The following GABRG3 variants were observed in gnomAD, a reference collection of about 807,000 sequenced individuals.
The protein encoded by GABRG3 is gamma-aminobutyric acid receptor subunit gamma-3.
GABRG3 carries 25 observed loss-of-function variants against 48.8 expected under a neutral mutation model. The observed-to-expected ratio is 0.51, with a 90% CI of 0.37 to 0.72. The LOEUF is 0.72. Ranked by LOEUF, GABRG3 falls within the 30% of genes least tolerant of loss-of-function variation. GABRG3 has a pLI of 0.00. For missense variants in GABRG3, 394 were observed against 577.9 expected, an observed-to-expected ratio of 0.68 and a Z score of 3.26; for synonymous variants, 227 against 217.6, an observed-to-expected ratio of 1.04 and a Z score of -0.38.
rs117070532 is a variant in GABRG3, at chr15:27,218,818, C to T, written c.271-107991C>T. ...TGGGTGGTGACCGTGGCCAGGTCAC[C>T]TTCCAGAGGAGTCTGCCTTTCCTCA... is the stretch of plus-strand genomic sequence containing the variant. On this transcript the variant is annotated intron_variant, in intron 3 of 9. Coordinates refer to ENST00000615808, the MANE Select transcript of GABRG3 (RefSeq NM_033223.5). Among the ~76,000 whole-genome samples, 723 of 152,306 alleles carry T rather than the reference C, an allele frequency of 4.7e-3. 6 individuals carry two copies. Among genetic ancestry groups the T allele is most frequent in the Non-Finnish European group, 8.0e-3 (542 of 68,020 alleles).
Position 27,162,936 on chromosome 15 carries a change from G to A in GABRG3, c.270+136115G>A, listed in dbSNP as rs568413625. On this transcript the variant is annotated intron_variant, in intron 3 of 9. Coordinates refer to ENST00000615808, the MANE Select transcript of GABRG3 (RefSeq NM_033223.5). ...TGCAGCTGTTTTTCTAAAATGAAGA[G>A]CTCCACGTGATCACGTGGAGGTTAC... 2.6e-5 allele frequency among the ~76,000 whole-genome samples: 4 copies of A among 152,112 alleles called. No homozygotes were observed. In the South Asian group the frequency reaches 8.3e-4, roughly 32 times the overall value.
At chr15:27,351,639 T>C (rs1384464417) in intron 5 of GABRG3, among the ~76,000 whole-genome samples, 1 of 150,600 alleles carries the variant, frequency 6.6e-6, no homozygotes, top group African/African-American at 2.4e-5. Flanking sequence ...TGTGTTTGTG[T>C]GTATGGTCTG....
intron 3 of GABRG3, among the ~76,000 whole-genome samples, chr15:27,150,471 A>G (rs993184475): frequency 2.0e-5 from 3 of 152,164 alleles, no homozygotes; most frequent in Admixed American, 6.5e-5. Context: ...AGTTAACAAG[A>G]TGTTTCCATG....
intron 3 of GABRG3, among the ~76,000 whole-genome samples, chr15:27,299,290 A>C (rs545241972): frequency 3.9e-5 from 6 of 152,142 alleles, no homozygotes; most frequent in Non-Finnish European, 8.8e-5. Context: ...ATCTCAGAAA[A>C]AACAAAAACA....
intron 6 of GABRG3, among the ~76,000 whole-genome samples, chr15:27,486,657 T>G (rs539190707): frequency 4.7e-4 from 72 of 152,182 alleles, no homozygotes; most frequent in Non-Finnish European, 8.8e-4. Context: ...CCTTGGGCAA[T>G]TCCTCTGACC....
chr15:27,388,191 GGTAAGGAAGGAA>G (rs1896047038), intron 5 of GABRG3, among the ~76,000 whole-genome samples: 1 of 83,046 alleles, frequency 1.2e-5, no homozygotes, highest in Non-Finnish European at 2.3e-5. Context: ...AGGGAGGGAG[GGTAAGGAAGGAA>G]GGAAGGAAAG....
chr15:27,271,507 A>G (rs775648033), intron 3 of GABRG3: 75 of 454,568 alleles, frequency 1.6e-4, no homozygotes, highest in Non-Finnish European at 8.8e-6. Context: ...CACGCCCCGG[A>G]GCCCCCAGGC....
intron 5 of GABRG3, among the ~76,000 whole-genome samples, chr15:27,436,574 T>G (rs991443322): frequency 2.0e-5 from 3 of 152,222 alleles, no homozygotes. Context: ...GGTAACATGA[T>G]TACTCTTGTT....
Position 27,316,783 on chromosome 15 carries a change from T to G in GABRG3, c.271-10026T>G, listed in dbSNP as rs80182834. Among the ~76,000 whole-genome samples, 788 of 152,326 alleles carry G rather than the reference T, an allele frequency of 5.2e-3. 21 individuals are homozygous for G. The East Asian group carries it at 0.067, about 13-fold the overall frequency. On this transcript the variant is annotated intron_variant, in intron 3 of 9. Coordinates refer to ENST00000615808, the MANE Select transcript of GABRG3 (RefSeq NM_033223.5). ...GTGTGGTTTCATTAAATGGTGCTTT[T>G]AATCTCCCTTAGTTTATGTGAGAAA... is the stretch of plus-strand genomic sequence containing the variant.
intron 3 of GABRG3, among the ~76,000 whole-genome samples, chr15:27,308,167 T>TATATCCAAACATATATAAAC (rs1566773250): frequency 1.6e-3 from 34 of 21,270 alleles, no homozygotes; most frequent in East Asian, 3.2e-3. Context: ...TATAAACATA[T>TATATCCAAACATATATAAAC]ATGTTTATAT....
rs74005012 is a variant in GABRG3 at position 27,504,670 on chromosome 15, G to A, written c.713-15302G>A. Among the ~76,000 whole-genome samples the A allele has an allele frequency of 3.5e-3, 523 of 151,282 alleles. 5 individuals carry two copies. The highest frequency in any genetic ancestry group is 0.013 in the African/African-American group (514 of 40,940). ...TCCGGGACTGACATTTCATTGGTGT[G>A]GATCCAGATTTCCATTTGGTGTCTT... On this transcript the variant is annotated intron_variant, in intron 6 of 9. Transcript: ENST00000615808.
At chr15:27,419,506 C>A (rs1888045497) in intron 5 of GABRG3, among the ~76,000 whole-genome samples, 1 of 152,172 alleles carries the variant, frequency 6.6e-6, no homozygotes, top group Admixed American at 6.5e-5. Context: ...GAATTATTTG[C>A]ACTCACAAGA....
chr15:27,309,097 AAC>A (rs1273354734), intron 3 of GABRG3, among the ~76,000 whole-genome samples: 2 of 151,330 alleles, frequency 1.3e-5, no homozygotes, highest in African/African-American at 4.8e-5. Flanking sequence ...ATATAATGTA[AAC>A]ACAGATGTTT....
chr15:27,278,502 C>T (rs1330568892), intron 3 of GABRG3, among the ~76,000 whole-genome samples: 1 of 152,164 alleles, frequency 6.6e-6, no homozygotes, highest in Admixed American at 6.5e-5. Flanking sequence ...TAATCCCGGA[C>T]ACCACTAATG....
chr15:27,306,289 CTATA>C lies in GABRG3; in HGVS notation c.271-20515_271-20512del, dbSNP rs898202177. On this transcript the variant is annotated intron_variant, in intron 3 of 9. Coordinates refer to ENST00000615808, the MANE Select transcript of GABRG3 (RefSeq NM_033223.5). ...GTAAACATATATAACATAAACATGTCTATATATAAACATATATATAATATAAACA... is the reference window on the plus strand; with the variant it reads ...GTAAACATATATAACATAAACATGTCTATAAACATATATATAATATAAACA... Among the ~76,000 whole-genome samples the C allele has an allele frequency of 1.7e-3, 228 of 135,978 alleles. 1 individual carries two copies. Among genetic ancestry groups the C allele is most frequent in the Non-Finnish European group, 2.3e-3 (148 of 65,120 alleles). 89.2% of individuals were successfully genotyped at this position (135,978 alleles called of 152,430 possible).
chr15:27,192,980 A>G (rs916349955), intron 3 of GABRG3, among the ~76,000 whole-genome samples: 3 of 152,088 alleles, frequency 2.0e-5, no homozygotes, highest in Non-Finnish European at 4.4e-5. Context: ...CTAGAGGTCC[A>G]CTCCAGACCC....
At chr15:27,416,536 A>C (rs899546248) in intron 5 of GABRG3, among the ~76,000 whole-genome samples, 2 of 152,302 alleles carry the variant, frequency 1.3e-5, no homozygotes, top group South Asian at 2.1e-4. Flanking sequence ...GGGGCCTCCT[A>C]TCTGATATTC....
chr15:27,501,511 A>T (rs1420482946), intron 6 of GABRG3, among the ~76,000 whole-genome samples: 1 of 152,064 alleles, frequency 6.6e-6, no homozygotes, highest in South Asian at 2.1e-4. Flanking sequence ...AGATATAATA[A>T]GTTCCATTCC....
At chr15:27,137,796 T>C (rs1945515185) in intron 3 of GABRG3, among the ~76,000 whole-genome samples, 1 of 152,210 alleles carries the variant, frequency 6.6e-6, no homozygotes, top group Admixed American at 6.5e-5. Context: ...AATGCTCAGG[T>C]GACTTCTTGT....
Sources: gnomAD v4.1 joint callset for allele counts (sites outside exome capture counted in the v4.1 genomes callset) on GRCh38, gnomAD v4.1.1 for gene constraint, MANE v1.5 for transcripts, NCBI Gene and HGNC (gene_info 2026-07-23, HGNC 2026-07-21) for gene names.